The following CD99L2 variants were observed in gnomAD, a reference collection of about 807,000 sequenced individuals.
CD99L2 encodes the protein CD99 antigen-like protein 2.
A neutral mutation model predicts 27.3 loss-of-function variants in CD99L2; 24 were observed. The ratio of observed to expected loss-of-function variants is 0.88; its 90% CI spans 0.64 to 1.24. The LOEUF is 1.24. Ranked by LOEUF, CD99L2 falls within the 50% of genes most tolerant of loss-of-function variation. The pLI, the probability that CD99L2 is intolerant of heterozygous loss-of-function variation, is 0.00. For missense variants in CD99L2, 255 were observed against 221.6 expected (o/e 1.15, Z -0.96); for synonymous variants, 97 against 87.9 (o/e 1.10, Z -0.58).
chrX:150,882,064 C>T, intron 1 of CD99L2, among the ~76,000 whole-genome samples: 1 of 110,915 alleles, frequency 9.0e-6, no homozygotes, highest in Middle Eastern at 4.7e-3. Flanking sequence ...GATCCGCCCG[C>T]CTCGGTCTCC....
Position 150,810,989 on chromosome X carries a change from C to T in CD99L2, c.277+3873G>A, listed in dbSNP as rs988326684. ...GGCTGAGGCAGGAGGATCACCTGAG[C>T]GCAGGAGTTGGATACCAGCCTAGGC... is the stretch of plus-strand genomic sequence containing the variant. On this transcript the variant is annotated intron_variant, in intron 4 of 10. Transcript: ENST00000370377. Among the ~76,000 whole-genome samples, 72 of 111,476 alleles carry T rather than the reference C, an allele frequency of 6.5e-4. 2 individuals are homozygous for T. Among genetic ancestry groups the T allele is most frequent in the African/African-American group, 1.0e-3 (32 of 30,644 alleles).
chrX:150,851,636 G>A (rs2046794340), intron 1 of CD99L2, among the ~76,000 whole-genome samples: 1 of 111,992 alleles, frequency 8.9e-6, no homozygotes, highest in African/African-American at 3.2e-5. Flanking sequence ...GTCTAAAATG[G>A]GTGGCCCTGG....
chrX:150,861,612 T>C (rs2046978163), intron 1 of CD99L2, among the ~76,000 whole-genome samples: 1 of 111,250 alleles, frequency 9.0e-6, no homozygotes, highest in Admixed American at 9.6e-5. Flanking sequence ...GAGAATACTA[T>C]AAACACCTAG....
At chrX:150,770,461 T>TA (rs2148703979) in intron 9 of CD99L2, 92 bp from the exon 10 acceptor site, 1 of 833,452 alleles carries the variant, frequency 1.2e-6, no homozygotes, top group Non-Finnish European at 1.8e-6. Flanking sequence ...CCTCTGCAGC[T>TA]AAAAAAGCAG....
At chrX:150,845,122 C>T (rs1260941954) in intron 1 of CD99L2, among the ~76,000 whole-genome samples, 13 of 111,770 alleles carry the variant, frequency 1.2e-4, no homozygotes, top group Non-Finnish European at 2.4e-4. Context: ...CACACAGAAA[C>T]GTAAATGTCT....
At chrX:150,873,754 C>A (rs1557422250) in intron 1 of CD99L2, among the ~76,000 whole-genome samples, 1 of 110,873 alleles carries the variant, frequency 9.0e-6, no homozygotes, top group African/African-American at 3.3e-5. Flanking sequence ...AGCCAAGCAC[C>A]CAGAGCATGA....
intron 1 of CD99L2, among the ~76,000 whole-genome samples, chrX:150,890,009 T>C (rs1051959217): frequency 1.8e-5 from 2 of 109,126 alleles, no homozygotes; most frequent in South Asian, 8.1e-4. Flanking sequence ...AAAAATTAGC[T>C]GGGCGTGGAG....
chrX:150,777,163 G>C, intron 8 of CD99L2: 1 of 389,986 alleles, frequency 2.6e-6, no homozygotes, highest in Non-Finnish European at 4.4e-6. Context: ...CTCTCCCTCT[G>C]TAAAGATCAG....
chrX:150,769,265 G>A (rs1056196115), intron 10 of CD99L2, among the ~76,000 whole-genome samples, 164 bp from the exon 11 acceptor site: 3 of 112,163 alleles, frequency 2.7e-5, no homozygotes, highest in Admixed American at 9.4e-5. Flanking sequence ...GTTTTGGGCC[G>A]GTCAAGGGGA....
intron 1 of CD99L2, among the ~76,000 whole-genome samples, chrX:150,847,947 C>T (rs782041568): frequency 1.8e-5 from 2 of 111,192 alleles, no homozygotes; most frequent in Admixed American, 1.9e-4. Context: ...CCTGCTCCTT[C>T]CAGGTCTATG....
At chrX:150,883,767 T>C (rs2047367614) in intron 1 of CD99L2, among the ~76,000 whole-genome samples, 1 of 111,244 alleles carries the variant, frequency 9.0e-6, no homozygotes, top group Non-Finnish European at 1.9e-5. Flanking sequence ...TGAGTGAGTA[T>C]TAGTAGAAAA....
chrX:150,850,180 C>G (rs782756089), intron 1 of CD99L2, among the ~76,000 whole-genome samples: 13 of 111,760 alleles, frequency 1.2e-4, no homozygotes, highest in African/African-American at 3.3e-5. Context: ...CATGCCTGAT[C>G]AGGTTGGAGA....
chrX:150,833,205 A>T (rs2046471334), intron 1 of CD99L2, among the ~76,000 whole-genome samples: 1 of 111,617 alleles, frequency 9.0e-6, no homozygotes, highest in Non-Finnish European at 1.9e-5. Flanking sequence ...AATCCCATTT[A>T]TAATAACATC....
chrX:150,772,315 G>A (rs781931965), intron 9 of CD99L2, among the ~76,000 whole-genome samples: 3 of 112,517 alleles, frequency 2.7e-5, no homozygotes, highest in African/African-American at 6.5e-5. Context: ...GCCCAATCCC[G>A]CCCCATGAGC....
chrX:150,782,241 TA>T (rs1456806549), intron 7 of CD99L2, among the ~76,000 whole-genome samples: 1 of 112,353 alleles, frequency 8.9e-6, no homozygotes, highest in Non-Finnish European at 1.9e-5. Context: ...AAACAACTTT[TA>T]AAAAAATGAA....
chrX:150,801,782 G>A (rs1415590290), intron 4 of CD99L2, among the ~76,000 whole-genome samples: 1 of 111,875 alleles, frequency 8.9e-6, no homozygotes, highest in Non-Finnish European at 1.9e-5. Context: ...GAAAATCAAC[G>A]TAATCTACCC....
intron 1 of CD99L2, among the ~76,000 whole-genome samples, chrX:150,895,113 A>G (rs1187418850): frequency 8.9e-6 from 1 of 111,795 alleles, no homozygotes; most frequent in African/African-American, 3.3e-5. Flanking sequence ...AAGGGCCACT[A>G]TGGACATCAG....
chrX:150,776,057 G>A (rs782346066), intron 9 of CD99L2, 117 bp downstream of exon 9: 1 of 960,494 alleles, frequency 1.0e-6, no homozygotes, highest in East Asian at 3.2e-5. Flanking sequence ...GTCCCAGGAA[G>A]TCTGCTTGGG....
At chrX:150,818,809 G>A in intron 2 of CD99L2, 1 of 351,948 alleles carries the variant, frequency 2.8e-6, no homozygotes, top group East Asian at 7.7e-5. Context: ...CCTTGGGCCA[G>A]GTCTCCTTCA....
Sources: allele counts gnomAD v4.1 joint callset (sites outside exome capture counted in the v4.1 genomes callset), GRCh38; gene constraint gnomAD v4.1.1; transcripts MANE v1.5; gene names NCBI Gene and HGNC (gene_info 2026-07-23, HGNC 2026-07-21).